Variants in HYDIN observed in about 807,000 individuals in gnomAD.
HYDIN encodes the protein HYDIN axonemal central pair apparatus protein.
In HYDIN, 132 loss-of-function variants were observed where a neutral mutation model predicts 403.9. The ratio of observed to expected loss-of-function variants is 0.33; its 90% CI spans 0.28 to 0.38. The LOEUF is 0.38. Among genes scored for constraint, HYDIN ranks in the 10% least tolerant of loss-of-function variants. The pLI is 1.00. For missense variants in HYDIN, 2,827 were observed against 5,009.5 expected (o/e 0.56, Z 13.15); for synonymous variants, 1,202 against 1,891.7 (o/e 0.64, Z 9.46).
At chr16:71,097,530 A>G (rs1012688897) in intron 10 of HYDIN, among the ~76,000 whole-genome samples, 19 of 148,282 alleles carry the variant, frequency 1.3e-4, no homozygotes, top group African/African-American at 4.9e-4. Context: ...TACTCAGCTT[A>G]TCATTTATGA....
chr16:71,202,471 C>T (rs751508637), intron 1 of HYDIN, among the ~76,000 whole-genome samples: 1 of 152,012 alleles, frequency 6.6e-6, no homozygotes, highest in African/African-American at 2.4e-5. Context: ...GATGTAATGG[C>T]CCTCTTTTGC....
chr16:71,061,376 C>T (rs1040163129), intron 17 of HYDIN, among the ~76,000 whole-genome samples: 2 of 152,180 alleles, frequency 1.3e-5, no homozygotes, highest in East Asian at 1.9e-4. Flanking sequence ...TAGTGTTTTA[C>T]GCTGTCTAAG....
intron 29 of HYDIN, among the ~76,000 whole-genome samples, chr16:70,981,114 A>C (rs1016550904): frequency 2.2e-4 from 34 of 152,114 alleles, no homozygotes; most frequent in Non-Finnish European, 3.7e-4. Context: ...AGGAAAGTGC[A>C]TGGGGGAGGA....
intron 10 of HYDIN, among the ~76,000 whole-genome samples, chr16:71,101,665 G>A (rs1344338937): frequency 1.3e-5 from 2 of 152,078 alleles, no homozygotes; most frequent in African/African-American, 4.8e-5. Context: ...AACTAGTGGA[G>A]GAGCAAAATT....
chr16:71,170,481 A>T (rs907042791), intron 5 of HYDIN, among the ~76,000 whole-genome samples: 10 of 152,240 alleles, frequency 6.6e-5, no homozygotes, highest in Non-Finnish European at 1.3e-4. Flanking sequence ...TCTAACTATC[A>T]GTTACAGGCA....
At chr16:71,069,195 T>C (rs1188939752) in intron 14 of HYDIN, 72 bp downstream of exon 14, 2 of 1,491,586 alleles carry the variant, frequency 1.3e-6, no homozygotes, top group East Asian at 4.7e-5. Context: ...GAGCAAACCC[T>C]AGATGAGGGC....
chr16:71,097,934 T>C (rs1376191361), intron 10 of HYDIN, among the ~76,000 whole-genome samples: 1 of 152,222 alleles, frequency 6.6e-6, no homozygotes, highest in East Asian at 1.9e-4. Flanking sequence ...CTGTCTTCTG[T>C]TGCTGTTTAG....
chr16:70,902,959 G>A (rs1199470442), intron 52 of HYDIN, among the ~76,000 whole-genome samples: 4 of 142,222 alleles, frequency 2.8e-5, no homozygotes, highest in African/African-American at 1.1e-4. Flanking sequence ...TTCTCTCTAT[G>A]CTTTTTTTTT....
At chr16:71,016,220 A>G (rs2080253177) in intron 23 of HYDIN, among the ~76,000 whole-genome samples, 1 of 152,122 alleles carries the variant, frequency 6.6e-6, no homozygotes, top group African/African-American at 2.4e-5. Flanking sequence ...TGCAAACCAT[A>G]TATCTGATAA....
In HYDIN at chr16:71,179,013, T is replaced by G. The variant is rs756752972; in HGVS notation, c.296A>C (p.Gln99Pro). The change falls in exon 4 of 86, where the codon CAG (glutamine) becomes CCG (proline). Residue 99 changes from glutamine to proline, a missense_variant. By Grantham distance (76) the Gln-to-Pro change is moderately conservative. Coordinates refer to ENST00000393567, the MANE Select transcript of HYDIN (RefSeq NM_001270974.2). ...AAATATAATTTCTGATGGAAAGGGCTGGAATAATGCCTGATCCAGGTCAAT... is the reference window on the plus strand; with the variant it reads ...AAATATAATTTCTGATGGAAAGGGCGGGAATAATGCCTGATCCAGGTCAAT... ...SGIDLDQALF[Q>P]PFPSEIIFQN... The G allele has an allele frequency of 6.2e-7, 1 of 1,612,068 alleles. No individual in the cohort carries two copies. The highest frequency in any genetic ancestry group is 8.5e-7 in the Non-Finnish European group (1 of 1,178,342).
At position 70,907,941 on chromosome 16, in the gene HYDIN, A is replaced by G. The variant is rs1428042305; in HGVS notation, c.8396+311T>C. On this transcript the variant is annotated intron_variant, in intron 49 of 85. Transcript: ENST00000393567. ...CCATGCAGAGTCACACATGGTTTCT[A>G]TACTACAGGATAGAACTGCTTTAAA... Among the ~76,000 whole-genome samples, 9 of 152,194 alleles carry G rather than the reference A, an allele frequency of 5.9e-5. No homozygotes were observed. In the East Asian group the frequency reaches 1.6e-3, roughly 26 times the overall value.
chr16:70,807,578 C>T lies in HYDIN; in HGVS notation c.*2G>A, dbSNP rs771764324. The T allele has an allele frequency of 1.9e-6, 3 of 1,604,202 alleles. No homozygotes were observed. The highest frequency in any genetic ancestry group is 1.7e-4 in the Middle Eastern group (1 of 6,006). On this transcript the variant is annotated 3_prime_UTR_variant, in exon 86 of 86. Coordinates refer to ENST00000393567, the MANE Select transcript of HYDIN (RefSeq NM_001270974.2). Reference sequence around the variant, plus strand: ...GGTTGATACAGGTAACCCTGGTTACCACTAAAGGGTGATCCCCTTCAGATA... The same window carrying T: ...GGTTGATACAGGTAACCCTGGTTACTACTAAAGGGTGATCCCCTTCAGATA...
chr16:71,130,419 C>G (rs2084657082), intron 8 of HYDIN, among the ~76,000 whole-genome samples: 1 of 146,308 alleles, frequency 6.8e-6, no homozygotes, highest in Admixed American at 6.8e-5. Context: ...TAAATGTAAT[C>G]AAGGCTCTAG....
At position 70,892,544 on chromosome 16, in the gene HYDIN, T is replaced by G. The variant is rs1476995510; in HGVS notation, c.9249-15A>C. On this transcript the variant is annotated splice_polypyrimidine_tract_variant and intron_variant, in intron 55 of 85. Coordinates refer to ENST00000393567, the MANE Select transcript of HYDIN (RefSeq NM_001270974.2). ...CCACGGAAAAGCTGAAAGACAAGAA[T>G]AAGAAGTCAGCCTAGGTCATTATCC... The G allele has an allele frequency of 6.2e-7, 1 of 1,605,814 alleles. No homozygotes were observed. The highest frequency in any genetic ancestry group is 8.5e-7 in the Non-Finnish European group (1 of 1,176,240).
chr16:71,050,090 T>C (rs961461675), intron 18 of HYDIN, among the ~76,000 whole-genome samples: 9 of 147,584 alleles, frequency 6.1e-5, no homozygotes, highest in South Asian at 2.1e-4. Flanking sequence ...AGAAAGAATG[T>C]CAGAGAAGAA....
At chr16:70,978,883 A>G in intron 30 of HYDIN, 31 bp downstream of exon 30, 2 of 1,571,880 alleles carry the variant, frequency 1.3e-6, no homozygotes, top group Middle Eastern at 3.4e-4. Flanking sequence ...CCTCCTGCAC[A>G]GGCGTCCCGT....
rs559343068 is a variant in HYDIN at position 70,860,172 on chromosome 16, A to G, written c.12025T>C (p.Tyr4009His). The change falls in exon 71 of 86, where the codon TAC (tyrosine) becomes CAC (histidine). Residue 4009 changes from tyrosine to histidine, a missense_variant. By Grantham distance (83) the Tyr-to-His change is moderately conservative (BLOSUM62 2). Transcript: ENST00000393567. ...TCTTCAGAGATCCAGCAGAAGGAGT[A>G]GGTGCTATTGGTTGGGTTTAGGATG... Reference protein sequence around the residue: ...FTILNPTNSTYSFCWISEEIE... With the variant: ...FTILNPTNSTHSFCWISEEIE... 113 of 1,614,116 alleles carry G rather than the reference A, an allele frequency of 7.0e-5. 1 individual carries two copies. In the East Asian group the frequency reaches 1.9e-3, roughly 27 times the overall value.
At chr16:71,210,995 T>C (rs1364279) in intron 1 of HYDIN, among the ~76,000 whole-genome samples, 52,680 of 151,850 alleles carry the variant, frequency 0.35, 9,588 homozygotes, top group East Asian at 0.57. Flanking sequence ...ATAAAAATCA[T>C]ATAACATGAC....
At chr16:70,861,321 G>A (rs367828388) in intron 69 of HYDIN, among the ~76,000 whole-genome samples, 1 of 151,864 alleles carries the variant, frequency 6.6e-6, no homozygotes, top group East Asian at 1.9e-4. Context: ...AGGTGGCCTA[G>A]GTGTGGGAGG....
Sources: gnomAD v4.1 joint callset for allele counts (sites outside exome capture counted in the v4.1 genomes callset) on GRCh38, gnomAD v4.1.1 for gene constraint, MANE v1.5 for transcripts, NCBI Gene and HGNC (gene_info 2026-07-23, HGNC 2026-07-21) for gene names.